The following RGS7BP variants were observed in gnomAD, a reference collection of about 807,000 sequenced individuals.
RGS7BP encodes regulator of G protein signaling 7 binding protein, also known as regulator of G protein signaling 7-binding protein.
RGS7BP carries 9 observed loss-of-function variants against 31.3 expected under a neutral mutation model. The observed-to-expected ratio is 0.29, with a 90% CI of 0.17 to 0.50. The LOEUF is 0.50. RGS7BP is among the 20% of genes least tolerant of loss of function. The pLI, the probability that RGS7BP is intolerant of heterozygous loss-of-function variation, is 0.98. For missense variants in RGS7BP, 274 were observed against 322.0 expected (o/e 0.85, Z 1.14); for synonymous variants, 115 against 120.1 (o/e 0.96, Z 0.28).
At chr5:64,548,647 C>G (rs866894662) in intron 2 of RGS7BP, among the ~76,000 whole-genome samples, 48 of 152,064 alleles carry the variant, frequency 3.2e-4, no homozygotes, top group African/African-American at 8.7e-4. Context: ...GCTGGGATTA[C>G]AGGCACCCAC....
Position 64,609,435 on chromosome 5 carries a change from G to A in RGS7BP, c.*183G>A. The A allele has an allele frequency of 5.5e-6, 3 of 547,930 alleles. No homozygotes were observed. Among genetic ancestry groups the A allele is most frequent in the South Asian group, 2.6e-5 (1 of 39,078 alleles). The allele number at this position is 547,930 out of a possible 1,614,324, so 33.9% of individuals were successfully genotyped here. Reference sequence around the variant, plus strand: ...TACACTTGAAAGCAGCTGCCGTCAAGAAAAAAAAGAACAGATTCAAAAACC... The same window carrying A: ...TACACTTGAAAGCAGCTGCCGTCAAAAAAAAAAAGAACAGATTCAAAAACC... On this transcript the variant is annotated 3_prime_UTR_variant, in exon 6 of 6. Transcript: ENST00000334025.
chr5:64,518,249 C>T (rs530174679), intron 2 of RGS7BP, among the ~76,000 whole-genome samples: 1 of 152,020 alleles, frequency 6.6e-6, no homozygotes. Context: ...TCATGCCCAA[C>T]TCCAGAAGTC....
intron 2 of RGS7BP, among the ~76,000 whole-genome samples, chr5:64,512,891 G>C (rs547452336): frequency 1.3e-5 from 2 of 152,224 alleles, no homozygotes; most frequent in African/African-American, 4.8e-5. Flanking sequence ...AATCAGCCTA[G>C]ATTCTTCATA....
intron 2 of RGS7BP, among the ~76,000 whole-genome samples, chr5:64,531,308 C>T (rs1222399469): frequency 6.6e-6 from 1 of 152,066 alleles, no homozygotes; most frequent in Non-Finnish European, 1.5e-5. Flanking sequence ...GAGAGGCTTC[C>T]AAGGAAATTA....
intron 2 of RGS7BP, among the ~76,000 whole-genome samples, chr5:64,556,206 A>C (rs1482468068): frequency 2.6e-5 from 4 of 152,044 alleles, no homozygotes; most frequent in African/African-American, 9.7e-5. Flanking sequence ...CAAATGATAT[A>C]TCTCACTGAA....
At chr5:64,541,871 A>AT (rs1475408064) in intron 2 of RGS7BP, among the ~76,000 whole-genome samples, 1 of 151,344 alleles carries the variant, frequency 6.6e-6, no homozygotes, top group Non-Finnish European at 1.5e-5. Flanking sequence ...TCTTCTTTTG[A>AT]TTTTTTTAAA....
intron 5 of RGS7BP, among the ~76,000 whole-genome samples, chr5:64,606,964 C>T (rs998503743): frequency 6.6e-6 from 1 of 151,480 alleles, no homozygotes; most frequent in African/African-American, 2.4e-5. Context: ...GGATTTTAAT[C>T]TCTGGAGACT....
At chr5:64,543,200 T>C (rs186174335) in intron 2 of RGS7BP, among the ~76,000 whole-genome samples, 16 of 152,366 alleles carry the variant, frequency 1.1e-4, no homozygotes, top group Admixed American at 2.6e-4. Flanking sequence ...ATGTTATCTA[T>C]ATTTTGTGTA....
Position 64,581,587 on chromosome 5 carries a change from G to T in RGS7BP, c.463+5683G>T, listed in dbSNP as rs138204283. Among the ~76,000 whole-genome samples, 477 of 152,216 alleles carry T rather than the reference G, an allele frequency of 3.1e-3. 4 individuals are homozygous for T. The highest frequency in any genetic ancestry group is 0.011 in the African/African-American group (462 of 41,540). ...AAGGGGCACACAAGGCCACTGCAGG[G>T]GTTAAGAATATAGTTTCTTTCTGGG... is the stretch of plus-strand genomic sequence containing the variant. On this transcript the variant is annotated intron_variant, in intron 3 of 5. Coordinates refer to ENST00000334025, the MANE Select transcript of RGS7BP (RefSeq NM_001029875.3).
intron 2 of RGS7BP, among the ~76,000 whole-genome samples, chr5:64,573,364 T>A (rs1341548118): frequency 6.6e-6 from 1 of 152,158 alleles, no homozygotes; most frequent in Non-Finnish European, 1.5e-5. Context: ...TTTGTTTAAA[T>A]TACATAAAAT....
chr5:64,587,126 C>T (rs1742778827), intron 3 of RGS7BP, among the ~76,000 whole-genome samples: 1 of 152,098 alleles, frequency 6.6e-6, no homozygotes, highest in Non-Finnish European at 1.5e-5. Context: ...TATAGGAGGA[C>T]TTTTAGGGGC....
Position 64,507,905 on chromosome 5 carries a change from C to A in RGS7BP, c.332+28C>A. On this transcript the variant is annotated intron_variant, in intron 2 of 5. Transcript: ENST00000334025. ...AGGAGACTCGGCATTATTTGGTAAT[C>A]CATATACATGATGCATGGATGCTGA... 3.8e-6 allele frequency: 6 copies of A among 1,589,228 alleles called. No homozygotes were observed. In the South Asian group the frequency reaches 5.6e-5, roughly 15 times the overall value.
intron 2 of RGS7BP, among the ~76,000 whole-genome samples, chr5:64,544,501 C>T (rs918084985): frequency 1.5e-5 from 2 of 135,870 alleles, no homozygotes; most frequent in African/African-American, 6.3e-5. Context: ...ATAGTGAGAC[C>T]CTGTCTCTGA....
Position 64,527,648 on chromosome 5 carries a change from A to C in RGS7BP, c.332+19771A>C, listed in dbSNP as rs1394899474. 2.7e-5 allele frequency among the ~76,000 whole-genome samples: 4 copies of C among 146,230 alleles called. No homozygotes were observed. The East Asian group carries it at 8.1e-4, about 30-fold the overall frequency. Reference sequence around the variant, plus strand: ...AAAAAAAAAAAAAAAAAAAAGAGGAATGTTCTAAATATCCAACAGAGGATT... The same window carrying C: ...AAAAAAAAAAAAAAAAAAAAGAGGACTGTTCTAAATATCCAACAGAGGATT... On this transcript the variant is annotated intron_variant, in intron 2 of 5. Transcript: ENST00000334025.
At chr5:64,589,833 G>C (rs185876396) in intron 3 of RGS7BP, among the ~76,000 whole-genome samples, 1 of 151,430 alleles carries the variant, frequency 6.6e-6, no homozygotes, top group East Asian at 2.0e-4. Context: ...AGGCTAAGGA[G>C]AGAGGATCAC....
intron 5 of RGS7BP, among the ~76,000 whole-genome samples, chr5:64,603,056 C>G (rs529189543): frequency 1.3e-5 from 2 of 152,176 alleles, no homozygotes; most frequent in African/African-American, 4.8e-5. Context: ...AAGAGAGAGA[C>G]AAGAGAGAGA....
At chr5:64,574,274 GTA>G (rs1195069819) in intron 2 of RGS7BP, among the ~76,000 whole-genome samples, 5 of 151,988 alleles carry the variant, frequency 3.3e-5, no homozygotes, top group African/African-American at 7.3e-5. Flanking sequence ...AGAGGGGTGT[GTA>G]TGTGTGTGTG....
At chr5:64,585,147 C>T (rs1742708993) in intron 3 of RGS7BP, among the ~76,000 whole-genome samples, 1 of 152,086 alleles carries the variant, frequency 6.6e-6, no homozygotes, top group African/African-American at 2.4e-5. Flanking sequence ...ATGAAAACTG[C>T]CCTGCAAGCC....
intron 3 of RGS7BP, among the ~76,000 whole-genome samples, chr5:64,593,458 G>A (rs1271969317): frequency 6.6e-6 from 1 of 152,148 alleles, no homozygotes; most frequent in Non-Finnish European, 1.5e-5. Flanking sequence ...GAGCTAAAAG[G>A]TTAGGTGATA....
Sources: allele counts gnomAD v4.1 joint callset (sites outside exome capture counted in the v4.1 genomes callset), GRCh38; gene constraint gnomAD v4.1.1; transcripts MANE v1.5; gene names NCBI Gene and HGNC (gene_info 2026-07-23, HGNC 2026-07-21).